TIAM2: variants seen among roughly 807,000 people sequenced by gnomAD.
TIAM2 encodes rho guanine nucleotide exchange factor TIAM2.
In TIAM2, 80 loss-of-function variants were observed where a neutral mutation model predicts 152.9. The ratio of observed to expected loss-of-function variants is 0.52; its 90% CI spans 0.44 to 0.63. The LOEUF (loss-of-function observed/expected upper bound fraction) is 0.63. TIAM2 is among the 30% of genes least tolerant of loss of function. The pLI, the probability that TIAM2 is intolerant of heterozygous loss-of-function variation, is 0.00. For synonymous variants in TIAM2, 804 were observed against 838.0 expected (o/e 0.96, Z 0.70); for missense variants, 1,965 against 2,120.1 (o/e 0.93, Z 1.44).
chr6:155,126,522 G>C (rs756076874), intron 2 of TIAM2, among the ~76,000 whole-genome samples: 1 of 152,076 alleles, frequency 6.6e-6, no homozygotes. Flanking sequence ...ACCTGAGGTC[G>C]GGAGTTTGAG....
intron 2 of TIAM2, among the ~76,000 whole-genome samples, chr6:155,104,566 G>C (rs1290297758): frequency 6.6e-6 from 1 of 152,038 alleles, no homozygotes; most frequent in Non-Finnish European, 1.5e-5. Context: ...GACCATCCTG[G>C]CTAACACAGT....
At chr6:155,071,120 C>T (rs1362481424) in intron 1 of TIAM2, among the ~76,000 whole-genome samples, 1 of 152,058 alleles carries the variant, frequency 6.6e-6, no homozygotes, top group Non-Finnish European at 1.5e-5. Flanking sequence ...TTGCAGTGAG[C>T]CATGATCACA....
Position 155,195,959 on chromosome 6 carries a change from G to A in TIAM2, c.3064+12459G>A, listed in dbSNP as rs567743164. ...TCAGGCTGACCTCAAAGACCATTGTGAGGTCCATTTATTGGAGGGAAGGGA... is the reference window on the plus strand; with the variant it reads ...TCAGGCTGACCTCAAAGACCATTGTAAGGTCCATTTATTGGAGGGAAGGGA... On this transcript the variant is annotated intron_variant, in intron 14 of 26. Transcript: ENST00000682666. Among the ~76,000 whole-genome samples, 56 of 152,340 alleles carry A rather than the reference G, an allele frequency of 3.7e-4. 1 individual carries two copies. Among genetic ancestry groups the A allele is most frequent in the Non-Finnish European group, 5.4e-4 (37 of 68,026 alleles).
chr6:155,033,345 A>G (rs563985604), intron 1 of TIAM2, among the ~76,000 whole-genome samples: 4 of 152,310 alleles, frequency 2.6e-5, no homozygotes, highest in African/African-American at 9.6e-5. Context: ...GTCTCCCCAA[A>G]ACAACTGTTA....
intron 1 of TIAM2, among the ~76,000 whole-genome samples, chr6:155,074,409 A>G (rs779690663): frequency 6.6e-6 from 1 of 151,906 alleles, no homozygotes; most frequent in Non-Finnish European, 1.5e-5. Flanking sequence ...CTGGAATGGC[A>G]TGATCTTGGC....
intron 5 of TIAM2, among the ~76,000 whole-genome samples, chr6:155,140,050 T>A (rs1340271227): frequency 6.6e-6 from 1 of 152,242 alleles, no homozygotes; most frequent in Non-Finnish European, 1.5e-5. Flanking sequence ...AAAAGGTAAA[T>A]GTGATTTCAA....
At chr6:155,191,983 A>G (rs964496701) in intron 14 of TIAM2, among the ~76,000 whole-genome samples, 1 of 152,176 alleles carries the variant, frequency 6.6e-6, no homozygotes, top group African/African-American at 2.4e-5. Flanking sequence ...AAAGACTTTG[A>G]AGATATGATT....
At chr6:155,065,735 C>T (rs1777679317) in intron 1 of TIAM2, among the ~76,000 whole-genome samples, 1 of 152,178 alleles carries the variant, frequency 6.6e-6, no homozygotes, top group South Asian at 2.1e-4. Context: ...CGCCACTGCA[C>T]TCCAGCTTGG....
intron 1 of TIAM2, among the ~76,000 whole-genome samples, chr6:155,069,081 G>C (rs1346433837): frequency 2.0e-5 from 3 of 151,850 alleles, no homozygotes; most frequent in Admixed American, 2.0e-4. Flanking sequence ...ACCACACCTG[G>C]CTTTTTTATT....
At chr6:155,107,373 C>T (rs186422441) in intron 2 of TIAM2, among the ~76,000 whole-genome samples, 1 of 152,312 alleles carries the variant, frequency 6.6e-6, no homozygotes, top group Admixed American at 6.5e-5. Context: ...TTTCAAACAC[C>T]TATTGGTGAT....
intron 1 of TIAM2, among the ~76,000 whole-genome samples, chr6:155,073,573 T>C (rs977626683): frequency 2.6e-5 from 4 of 152,172 alleles, no homozygotes; most frequent in Non-Finnish European, 5.9e-5. Context: ...CCTCTCATTA[T>C]AAACCCTGCT....
At chr6:155,180,967 G>A in intron 12 of TIAM2, among the ~76,000 whole-genome samples, 1 of 152,010 alleles carries the variant, frequency 6.6e-6, no homozygotes, top group East Asian at 1.9e-4. Flanking sequence ...CCTCCTCTTG[G>A]CCTTCACTGT....
chr6:155,153,621 CTTTTTTTTTT>C, intron 7 of TIAM2, among the ~76,000 whole-genome samples: 1 of 105,306 alleles, frequency 9.5e-6, no homozygotes, highest in Non-Finnish European at 1.8e-5. Context: ...GCTGTTTACG[CTTTTTTTTTT>C]TTTTTTTTTT....
intron 1 of TIAM2, among the ~76,000 whole-genome samples, chr6:155,028,722 A>G (rs964362917): frequency 6.2e-5 from 8 of 128,806 alleles, no homozygotes; most frequent in East Asian, 2.1e-4. Context: ...TATACTACAT[A>G]TAATATATAT....
chr6:155,193,398 T>TCC (rs1423028968), intron 14 of TIAM2, among the ~76,000 whole-genome samples: 21 of 116,734 alleles, frequency 1.8e-4, no homozygotes, highest in South Asian at 2.5e-4. Flanking sequence ...AGCGAGACCT[T>TCC]GTCTCAAAAA....
rs1263310407 is a variant in TIAM2, at chr6:155,244,075, A to G, written c.3413A>G (p.Asp1138Gly). ...PLQNETFLTQ[D>G]EMESLFGSLP... ...CAGAATGAGACCTTTCTTACCCAAGATGAGGTAAATAAAATCACCTTCCTT... is the reference window on the plus strand; with the variant it reads ...CAGAATGAGACCTTTCTTACCCAAGGTGAGGTAAATAAAATCACCTTCCTT... Residue 1138 changes from aspartate to glycine, a missense_variant, in exon 17 of 27, where the codon GAT (aspartate) becomes GGT (glycine). Physicochemically the swap from Asp to Gly is moderately conservative, Grantham distance 94 (BLOSUM62 -1). Around this residue, in one of 3 missense-constraint regions of TIAM2, gnomAD observed 935 missense variants for 980.0 expected, o/e 0.95. Coordinates refer to ENST00000682666, the MANE Select transcript of TIAM2 (RefSeq NM_012454.4). 2 of 1,613,844 alleles carry G rather than the reference A, an allele frequency of 1.2e-6. No individual in the cohort carries two copies. Among genetic ancestry groups the G allele is most frequent in the Non-Finnish European group, 8.5e-7 (1 of 1,179,868 alleles).
Position 155,144,634 on chromosome 6 carries a change from T to C in TIAM2, c.1659T>C (p.Tyr553=), listed in dbSNP as rs1779783345. Residue 553 remains tyrosine, a synonymous_variant, in exon 6 of 27, where the codon TAT becomes TAC. Coordinates refer to ENST00000682666, the MANE Select transcript of TIAM2 (RefSeq NM_012454.4). ...GCACGCTGCTGTTTTATGAGACCTA[T>C]GGGAAGAATTCCATGGATCAGAGCA... ...KGCTLLFYET[Y]GKNSMDQSSA... is the part of the protein sequence containing the mutation. The C allele has an allele frequency of 1.3e-6, 2 of 1,560,648 alleles. No homozygotes were observed. Among genetic ancestry groups the C allele is most frequent in the East Asian group, 2.4e-5 (1 of 41,032 alleles).
At chr6:155,024,873 C>T (rs2114871128) in intron 1 of TIAM2, among the ~76,000 whole-genome samples, 1 of 152,242 alleles carries the variant, frequency 6.6e-6, no homozygotes, top group South Asian at 2.1e-4. Flanking sequence ...TTGTCCCTGT[C>T]AGCACTCCTG....
At chr6:155,251,550 G>C (rs1967872) in intron 22 of TIAM2, among the ~76,000 whole-genome samples, 44,460 of 152,076 alleles carry the variant, frequency 0.29, 7,274 homozygotes, top group East Asian at 0.66. Flanking sequence ...GCCTCCTGGA[G>C]TGCTGGGATT....
Sources: gnomAD v4.1 joint callset for allele counts (sites outside exome capture counted in the v4.1 genomes callset) on GRCh38, gnomAD v4.1.1 for gene constraint, gnomAD v4.1.1 regional missense constraint, MANE v1.5 for transcripts, NCBI Gene and HGNC (gene_info 2026-07-23, HGNC 2026-07-21) for gene names.